The following SORBS2 variants were observed in gnomAD, a reference collection of about 807,000 sequenced individuals.
The protein encoded by SORBS2 is sorbin and SH3 domain-containing protein 2.
A neutral mutation model predicts 97.7 loss-of-function variants in SORBS2; 46 were observed. The observed-to-expected ratio is 0.47, with a 90% CI of 0.37 to 0.60. The LOEUF (loss-of-function observed/expected upper bound fraction) is 0.60, where lower values mean the gene tolerates loss of function less well. Ranked by LOEUF, SORBS2 falls within the 20% of genes least tolerant of loss-of-function variation. SORBS2 has a pLI of 0.00. For synonymous variants in SORBS2, 476 were observed against 473.4 expected (o/e 1.01, Z -0.07); for missense variants, 1,316 against 1,282.3 (o/e 1.03, Z -0.40).
intron 1 of SORBS2, among the ~76,000 whole-genome samples, chr4:185,801,114 A>G (rs1350321645): frequency 2.0e-5 from 3 of 152,332 alleles, no homozygotes; most frequent in South Asian, 2.1e-4. Context: ...GACTCCACAT[A>G]TAAGTGAGAT....
At chr4:185,585,727 A>G (rs891256991) in exon 15 of SORBS2, 1 of 152,226 alleles carries the variant, frequency 6.6e-6, no homozygotes, top group African/African-American at 2.4e-5. Context: ...GGCATCAAAG[A>G]GAATTATTCA....
intron 2 of SORBS2, among the ~76,000 whole-genome samples, chr4:185,769,965 TA>T (rs113489037): frequency 1.3e-4 from 19 of 151,692 alleles, no homozygotes; most frequent in Admixed American, 3.3e-4. Flanking sequence ...GTGTTTGGAG[TA>T]AAGGGCACTG....
intron 1 of SORBS2, among the ~76,000 whole-genome samples, chr4:185,863,038 A>T (rs2099224784): frequency 6.6e-6 from 1 of 152,164 alleles, no homozygotes; most frequent in Admixed American, 6.5e-5. Flanking sequence ...GCCAGTGGAG[A>T]GGTGGGACAC....
chr4:185,912,327 G>A (rs2099255587), intron 1 of SORBS2, among the ~76,000 whole-genome samples: 1 of 152,110 alleles, frequency 6.6e-6, no homozygotes, highest in African/African-American at 2.4e-5. Flanking sequence ...GCTCATGCCT[G>A]TAATCGCAGC....
At chr4:185,795,462 C>G (rs985664040) in intron 1 of SORBS2, among the ~76,000 whole-genome samples, 1 of 152,132 alleles carries the variant, frequency 6.6e-6, no homozygotes, top group African/African-American at 2.4e-5. Flanking sequence ...TGCCCAGCCT[C>G]TCTCTGAAGG....
chr4:185,663,654 G>T (rs1349902119), intron 4 of SORBS2, among the ~76,000 whole-genome samples: 2 of 151,942 alleles, frequency 1.3e-5, no homozygotes, highest in African/African-American at 2.4e-5. Flanking sequence ...TAAGTTTGGT[G>T]GATCTTTGTC....
chr4:185,832,394 A>G (rs765119817), intron 1 of SORBS2, among the ~76,000 whole-genome samples: 8 of 152,214 alleles, frequency 5.3e-5, no homozygotes, highest in Non-Finnish European at 8.8e-5. Context: ...ACCAACTATA[A>G]TAAGATTATG....
intron 1 of SORBS2, among the ~76,000 whole-genome samples, chr4:185,935,457 T>C (rs183471375): frequency 1.2e-3 from 189 of 152,320 alleles, no homozygotes; most frequent in African/African-American, 4.5e-3. Context: ...TAAAGCAAGA[T>C]AATGGCAAAC....
chr4:185,916,667 C>CT (rs1049874073), intron 1 of SORBS2, among the ~76,000 whole-genome samples: 4 of 152,194 alleles, frequency 2.6e-5, no homozygotes, highest in Non-Finnish European at 5.9e-5. Context: ...GGGACATTTT[C>CT]TGTGTCTGGA....
chr4:185,697,925 GA>G (rs1457561546), intron 2 of SORBS2, among the ~76,000 whole-genome samples: 2 of 151,988 alleles, frequency 1.3e-5, no homozygotes, highest in African/African-American at 4.8e-5. Flanking sequence ...TTTATATATT[GA>G]AATATAAAAA....
In SORBS2 at chr4:185,614,830, C is replaced by A; in HGVS notation, c.2595+1G>T. 6.2e-7 allele frequency: 1 copy of A among 1,613,914 alleles called. No homozygotes were observed. The highest frequency in any genetic ancestry group is 8.5e-7 in the Non-Finnish European group (1 of 1,179,872). Reference sequence around the variant, plus strand: ...AACAAACAAAAAACCAGCTGGGCTACCTTTCTCAGTGACAGCTCCACATTT... The same window carrying A: ...AACAAACAAAAAACCAGCTGGGCTAACTTTCTCAGTGACAGCTCCACATTT... On this transcript the variant is annotated splice_donor_variant, in intron 11 of 14. Transcript: ENST00000418609. LOFTEE classifies it high-confidence loss of function.
intron 1 of SORBS2, among the ~76,000 whole-genome samples, chr4:185,926,306 G>A (rs1386796178): frequency 2.0e-5 from 3 of 152,232 alleles, no homozygotes; most frequent in Non-Finnish European, 4.4e-5. Flanking sequence ...AACTAGCGTG[G>A]TGGCGGCACG....
chr4:185,901,187 C>T (rs1049463142), intron 1 of SORBS2, among the ~76,000 whole-genome samples: 1 of 151,916 alleles, frequency 6.6e-6, no homozygotes, highest in Non-Finnish European at 1.5e-5. Context: ...TTGCCTTACC[C>T]AAAATGTTGA....
rs2099276484 is a variant in SORBS2 at position 185,950,094 on chromosome 4, A to AT, written c.-338+6101dup. ...TGGTGAAACCCCATCTCTACTAAAA[A>AT]TACAAAAATTAGCTGGGCATGGTGA... On this transcript the variant is annotated intron_variant, in intron 1 of 20. Coordinates refer to the SORBS2 transcript ENST00000284776. Among the ~76,000 whole-genome samples the AT allele has an allele frequency of 2.0e-5, 3 of 152,302 alleles. No homozygotes were observed. In the South Asian group the frequency reaches 6.2e-4, roughly 32 times the overall value.
At chr4:185,773,415 A>T (rs2098982943) in intron 2 of SORBS2, 1 of 152,200 alleles carries the variant, frequency 6.6e-6, no homozygotes, top group Non-Finnish European at 1.5e-5. Flanking sequence ...ATTAGACTGA[A>T]CATCTCTAGG....
intron 1 of SORBS2, among the ~76,000 whole-genome samples, chr4:185,786,150 G>T (rs1199612821): frequency 4.0e-5 from 6 of 151,046 alleles, no homozygotes; most frequent in African/African-American, 1.5e-4. Flanking sequence ...TATGTTTTGG[G>T]TTTTTTTTTC....
rs1285599330 is a variant in SORBS2 at position 185,849,374 on chromosome 4, T to C, written c.-337-74008A>G. On this transcript the variant is annotated intron_variant, in intron 1 of 20. Transcript: ENST00000284776. ...GTAGGATTTTCCTTAATGAAAAAAG[T>C]CTTTTTCATTATTTCTGTCCAATCG... Among the ~76,000 whole-genome samples the C allele has an allele frequency of 2.6e-5, 4 of 152,196 alleles. No individual in the cohort carries two copies. The East Asian group carries it at 5.8e-4, about 22-fold the overall frequency.
At chr4:185,619,921 C>T (rs2096689837) in intron 8 of SORBS2, 142 bp downstream of exon 20, 6 of 693,646 alleles carry the variant, frequency 8.6e-6, no homozygotes, top group African/African-American at 1.8e-5. Context: ...TATGCTCAGG[C>T]CCCAAGGAAA....
At chr4:185,850,206 A>G (rs373708158) in intron 1 of SORBS2, among the ~76,000 whole-genome samples, 2 of 152,210 alleles carry the variant, frequency 1.3e-5, no homozygotes, top group East Asian at 3.9e-4. Context: ...AAAATATGGA[A>G]AAATGCTAAA....
Sources: allele counts gnomAD v4.1 joint callset (sites outside exome capture counted in the v4.1 genomes callset), GRCh38; gene constraint gnomAD v4.1.1; transcripts MANE v1.5; gene names NCBI Gene and HGNC (gene_info 2026-07-23, HGNC 2026-07-21).